IQGAP1: variants seen among roughly 807,000 people sequenced by gnomAD.
IQGAP1 encodes IQ motif containing GTPase activating protein 1.
A neutral mutation model predicts 215.6 loss-of-function variants in IQGAP1; 66 were observed. That is an observed-to-expected ratio of 0.31 (90% CI 0.25 to 0.38). IQGAP1 has a LOEUF of 0.38. Among genes scored for constraint, IQGAP1 ranks in the 10% least tolerant of loss-of-function variants. IQGAP1 has a pLI of 1.00. For missense variants in IQGAP1, 1,712 were observed against 1,997.1 expected (o/e 0.86, Z 2.72); for synonymous variants, 772 against 728.7 (o/e 1.06, Z -0.96).
At chr15:90,467,725 G>A (rs749887473) in intron 18 of IQGAP1, 133 bp downstream of exon 18, 51 of 859,206 alleles carry the variant, frequency 5.9e-5, no homozygotes, top group African/African-American at 1.9e-4. Flanking sequence ...GCTGTTTTGC[G>A]GTAATTTTTT....
chr15:90,471,394 G>A (rs1424198476), intron 18 of IQGAP1, among the ~76,000 whole-genome samples: 2 of 151,950 alleles, frequency 1.3e-5, no homozygotes, highest in African/African-American at 2.4e-5. Flanking sequence ...GGGAAGGAGA[G>A]CAAAAAAGGT....
chr15:90,466,715 G>A (rs1291478829), intron 17 of IQGAP1, among the ~76,000 whole-genome samples: 1 of 151,382 alleles, frequency 6.6e-6, no homozygotes, highest in Admixed American at 6.6e-5. Context: ...CTCTGATTAA[G>A]CCTATAGGCA....
intron 9 of IQGAP1, among the ~76,000 whole-genome samples, chr15:90,446,327 T>A (rs148473037): frequency 1.3e-5 from 2 of 152,360 alleles, no homozygotes; most frequent in East Asian, 3.9e-4. Flanking sequence ...ATTATTATTA[T>A]GTAGTCAGAG....
intron 17 of IQGAP1, among the ~76,000 whole-genome samples, chr15:90,466,944 T>G (rs1965841103): frequency 6.6e-6 from 1 of 151,930 alleles, no homozygotes; most frequent in South Asian, 2.1e-4. Context: ...ATACAAAAAT[T>G]AGCTGAGTGT....
At chr15:90,480,183 G>A (rs1567140235) in intron 26 of IQGAP1, among the ~76,000 whole-genome samples, 1 of 147,228 alleles carries the variant, frequency 6.8e-6, no homozygotes, top group Admixed American at 6.9e-5. Flanking sequence ...GAGCCCAGGA[G>A]TTTGAGCACT....
chr15:90,436,693 C>A (rs1216714892), intron 5 of IQGAP1, among the ~76,000 whole-genome samples: 1 of 152,166 alleles, frequency 6.6e-6, no homozygotes, highest in Non-Finnish European at 1.5e-5. Context: ...AGAGCAGGAG[C>A]AAAGATTGGA....
intron 13 of IQGAP1, 68 bp from the exon 14 acceptor site, chr15:90,454,360 A>C: frequency 1.3e-6 from 2 of 1,588,734 alleles, no homozygotes; most frequent in Non-Finnish European, 1.7e-6. Flanking sequence ...ATACCCTAGC[A>C]ATCTTTGTTC....
At chr15:90,410,648 G>C (rs1446156605) in intron 2 of IQGAP1, among the ~76,000 whole-genome samples, 5 of 147,268 alleles carry the variant, frequency 3.4e-5, no homozygotes, top group Non-Finnish European at 6.0e-5. Flanking sequence ...AAAACACATG[G>C]ACACAGGGTG....
intron 23 of IQGAP1, 195 bp downstream of exon 23, chr15:90,474,888 C>T (rs1965956045): frequency 1.8e-6 from 1 of 565,096 alleles, no homozygotes; most frequent in Non-Finnish European, 3.2e-6. Flanking sequence ...CAGCTCACTG[C>T]AACCTCTGCC....
At chr15:90,449,523 G>A in intron 10 of IQGAP1, 36 bp from the exon 11 acceptor site, 1 of 1,543,398 alleles carries the variant, frequency 6.5e-7, no homozygotes, top group African/African-American at 1.4e-5. Context: ...TCATAGGAAT[G>A]AGTAATCTTT....
chr15:90,483,204 AGT>A, intron 28 of IQGAP1, 155 bp from the exon 29 acceptor site: 3 of 594,048 alleles, frequency 5.1e-6, no homozygotes, highest in South Asian at 4.1e-5. Flanking sequence ...CATGAGAGAG[AGT>A]GTGTATATGT....
Position 90,418,851 on chromosome 15 carries a change from A to T in IQGAP1, c.156-7259A>T, listed in dbSNP as rs1247156144. Among the ~76,000 whole-genome samples, 3 of 152,164 alleles carry T rather than the reference A, an allele frequency of 2.0e-5. No homozygotes were observed. The East Asian group carries it at 5.8e-4, about 29-fold the overall frequency. ...AAGGAGGAAGTATCCTGTAGCAATT[A>T]AGAGTATCAGCTTCATACTGGTTCG... is the stretch of plus-strand genomic sequence containing the variant. On this transcript the variant is annotated intron_variant, in intron 2 of 37. Coordinates refer to ENST00000268182, the MANE Select transcript of IQGAP1 (RefSeq NM_003870.4).
chr15:90,391,762 G>A (rs2059127946), intron 2 of IQGAP1: 1 of 152,202 alleles, frequency 6.6e-6, no homozygotes, highest in Admixed American at 6.5e-5. Flanking sequence ...TGTTATCAGT[G>A]ATTCATTTCT....
At chr15:90,481,553 T>C (rs1966059500) in intron 26 of IQGAP1, among the ~76,000 whole-genome samples, 2 of 152,206 alleles carry the variant, frequency 1.3e-5, no homozygotes, top group Admixed American at 1.3e-4. Flanking sequence ...AGTTCAAGCA[T>C]CCCTTCGTTT....
chr15:90,473,693 C>T, intron 19 of IQGAP1, 22 bp from the exon 20 acceptor site: 5 of 1,551,820 alleles, frequency 3.2e-6, no homozygotes, highest in Non-Finnish European at 4.4e-6. Context: ...AATATGTCTT[C>T]TGTAACATTT....
chr15:90,438,730 CT>C (rs201641534), intron 5 of IQGAP1, among the ~76,000 whole-genome samples: 85 of 146,274 alleles, frequency 5.8e-4, no homozygotes, highest in Non-Finnish European at 5.4e-4. Flanking sequence ...ATGTTAACAT[CT>C]TTTTTTTTTT....
chr15:90,494,312 A>G (rs1966244668), intron 35 of IQGAP1: 1 of 135,702 alleles, frequency 7.4e-6, no homozygotes, highest in Non-Finnish European at 1.6e-5. Flanking sequence ...GTATTTGATG[A>G]CATTTTAATT....
intron 15 of IQGAP1, among the ~76,000 whole-genome samples, 159 bp downstream of exon 15, chr15:90,456,474 G>T (rs76489431): frequency 6.6e-6 from 1 of 152,084 alleles, no homozygotes; most frequent in South Asian, 2.1e-4. Flanking sequence ...AGAGACATAG[G>T]CTCCACCTAC....
intron 2 of IQGAP1, among the ~76,000 whole-genome samples, chr15:90,422,994 C>T (rs1965169961): frequency 6.6e-6 from 1 of 151,790 alleles, no homozygotes; most frequent in Admixed American, 6.6e-5. Context: ...TGTGCCTGGC[C>T]ATTTTTAGAT....
Sources: allele counts gnomAD v4.1 joint callset (sites outside exome capture counted in the v4.1 genomes callset), GRCh38; gene constraint gnomAD v4.1.1; transcripts MANE v1.5; gene names NCBI Gene and HGNC (gene_info 2026-07-23, HGNC 2026-07-21).